Variants in CTNNA3 observed in about 807,000 individuals in gnomAD.
CTNNA3 encodes the protein catenin alpha-3.
Under a neutral mutation model 95.7 loss-of-function variants are expected in CTNNA3, and 76 were observed. The ratio of observed to expected loss-of-function variants is 0.79; its 90% CI spans 0.66 to 0.96. The LOEUF (loss-of-function observed/expected upper bound fraction) is 0.96. CTNNA3 is among the 40% of genes least tolerant of loss of function. The pLI is 0.00. For missense variants in CTNNA3, 1,191 were observed against 1,089.8 expected, an observed-to-expected ratio of 1.09 and a Z score of -1.31; for synonymous variants, 431 against 374.4, an observed-to-expected ratio of 1.15 and a Z score of -1.74.
rs1841112779 is a variant in CTNNA3, at chr10:66,522,772, C to T, written c.1375-1999G>A. On this transcript the variant is annotated intron_variant, in intron 10 of 17. Coordinates refer to ENST00000433211, the MANE Select transcript of CTNNA3 (RefSeq NM_013266.4). ...CGTCAAACTAGATCCTGTCCACGCA[C>T]GTTATCACAAGTTAGCACAAGTTTA... 2.0e-5 allele frequency among the ~76,000 whole-genome samples: 3 copies of T among 151,620 alleles called. No individual in the cohort carries two copies. In the South Asian group the frequency reaches 6.3e-4, roughly 32 times the overall value.
intron 1 of CTNNA3, among the ~76,000 whole-genome samples, chr10:67,751,949 G>A (rs1311478295): frequency 1.3e-5 from 2 of 152,020 alleles, no homozygotes; most frequent in East Asian, 1.9e-4. Flanking sequence ...CTGAAAAGGA[G>A]GGACTTTTCT....
At chr10:67,461,723 T>C (rs1847388432) in intron 5 of CTNNA3, among the ~76,000 whole-genome samples, 1 of 152,204 alleles carries the variant, frequency 6.6e-6, no homozygotes, top group Non-Finnish European at 1.5e-5. Flanking sequence ...TCTTTCCTAG[T>C]CAATTAACCT....
intron 9 of CTNNA3, among the ~76,000 whole-genome samples, chr10:66,711,258 CAAAAAAAA>C (rs56013857): frequency 2.5e-5 from 3 of 118,162 alleles, no homozygotes; most frequent in African/African-American, 6.4e-5. Flanking sequence ...GAACAAGAAA[CAAAAAAAA>C]AAAAAAAAAA....
intron 5 of CTNNA3, among the ~76,000 whole-genome samples, chr10:67,501,074 A>G (rs1589364171): frequency 6.6e-6 from 1 of 152,156 alleles, no homozygotes; most frequent in Admixed American, 6.5e-5. Context: ...GGTCTTTACA[A>G]TTTGGTATGT....
intron 12 of CTNNA3, among the ~76,000 whole-genome samples, chr10:66,359,946 C>G (rs1260178175): frequency 6.6e-6 from 1 of 151,812 alleles, no homozygotes; most frequent in African/African-American, 2.4e-5. Context: ...CCTGCCTAAG[C>G]CTCCTGAGTA....
intron 7 of CTNNA3, among the ~76,000 whole-genome samples, chr10:66,920,907 C>T (rs1846752304): frequency 1.3e-5 from 2 of 152,212 alleles, no homozygotes; most frequent in South Asian, 2.1e-4. Flanking sequence ...ATGCTCACCA[C>T]TTCCACTGCT....
intron 11 of CTNNA3, among the ~76,000 whole-genome samples, chr10:66,481,756 C>T (rs772642056): frequency 3.0e-5 from 4 of 134,356 alleles, no homozygotes; most frequent in Admixed American, 6.9e-5. Context: ...CAGGCGTGAG[C>T]CACCGCGTTG....
At chr10:67,199,648 C>T (rs1454420839) in intron 6 of CTNNA3, among the ~76,000 whole-genome samples, 3 of 152,070 alleles carry the variant, frequency 2.0e-5, no homozygotes, top group Non-Finnish European at 2.9e-5. Flanking sequence ...GGATTACAGA[C>T]GTGAAGGTTT....
intron 7 of CTNNA3, among the ~76,000 whole-genome samples, chr10:66,993,030 T>G (rs1283568691): frequency 6.6e-6 from 1 of 152,158 alleles, no homozygotes; most frequent in Non-Finnish European, 1.5e-5. Context: ...AATCATTATT[T>G]TCCATGATTT....
chr10:66,443,293 A>G (rs1034698440), intron 11 of CTNNA3, among the ~76,000 whole-genome samples: 8 of 152,184 alleles, frequency 5.3e-5, no homozygotes, highest in African/African-American at 9.7e-5. Flanking sequence ...CCTGTCTGAC[A>G]GCTTTGAAGA....
intron 10 of CTNNA3, among the ~76,000 whole-genome samples, chr10:66,566,634 T>C (rs1482304595): frequency 2.0e-5 from 3 of 152,054 alleles, no homozygotes; most frequent in African/African-American, 7.2e-5. Flanking sequence ...CAGTACAATG[T>C]GAATCTCCTT....
chr10:67,392,168 C>G (rs1288134385), intron 5 of CTNNA3, among the ~76,000 whole-genome samples: 1 of 152,002 alleles, frequency 6.6e-6, no homozygotes, highest in Non-Finnish European at 1.5e-5. Flanking sequence ...TGACAAAGGG[C>G]TAATATCCAG....
chr10:66,471,348 A>G (rs1564995139), intron 11 of CTNNA3, among the ~76,000 whole-genome samples: 1 of 151,832 alleles, frequency 6.6e-6, no homozygotes, highest in African/African-American at 2.4e-5. Flanking sequence ...ATACAGCTAT[A>G]GTAGGCATTC....
intron 5 of CTNNA3, among the ~76,000 whole-genome samples, chr10:67,321,739 A>C (rs1369480404): frequency 6.6e-6 from 1 of 152,082 alleles, no homozygotes; most frequent in African/African-American, 2.4e-5. Context: ...TCTCCTCTTA[A>C]ATTCAAACTC....
intron 11 of CTNNA3, among the ~76,000 whole-genome samples, chr10:66,505,392 T>C (rs1840415150): frequency 6.6e-6 from 1 of 152,206 alleles, no homozygotes; most frequent in African/African-American, 2.4e-5. Context: ...CATAAAGCCA[T>C]GTGTACATTT....
At chr10:66,591,824 G>A (rs563668195) in intron 10 of CTNNA3, among the ~76,000 whole-genome samples, 154 of 152,006 alleles carry the variant, frequency 1.0e-3, no homozygotes, top group Non-Finnish European at 1.4e-3. Context: ...AAGCATTGGC[G>A]AGTTAATAAT....
intron 7 of CTNNA3, among the ~76,000 whole-genome samples, chr10:67,113,614 G>A (rs1471881674): frequency 1.3e-5 from 2 of 152,222 alleles, no homozygotes; most frequent in African/African-American, 4.8e-5. Flanking sequence ...TTAAGAGACA[G>A]GGCCTTATTC....
intron 6 of CTNNA3, among the ~76,000 whole-genome samples, chr10:67,217,986 GTA>G (rs1183493621): frequency 6.6e-6 from 1 of 152,020 alleles, no homozygotes; most frequent in African/African-American, 2.4e-5. Context: ...TTAAAATGTT[GTA>G]TAAAATTACC....
chr10:66,770,710 G>C (rs568896568), intron 8 of CTNNA3, among the ~76,000 whole-genome samples: 42 of 152,100 alleles, frequency 2.8e-4, no homozygotes, highest in African/African-American at 1.0e-3. Flanking sequence ...CCAAATAAAG[G>C]AACAGAAAGA....
Sources: gnomAD v4.1 joint callset for allele counts (sites outside exome capture counted in the v4.1 genomes callset) on GRCh38, gnomAD v4.1.1 for gene constraint, MANE v1.5 for transcripts, NCBI Gene and HGNC (gene_info 2026-07-23, HGNC 2026-07-21) for gene names.